Variants in ALS2 observed in about 807,000 individuals in gnomAD.
The protein encoded by ALS2 is alsin Rho guanine nucleotide exchange factor ALS2, also known as alsin.
Under a neutral mutation model 203.4 loss-of-function variants are expected in ALS2, and 117 were observed. The ratio of observed to expected loss-of-function variants is 0.58; its 90% CI spans 0.50 to 0.67. The LOEUF (loss-of-function observed/expected upper bound fraction) is 0.67, where lower values mean the gene tolerates loss of function less well. ALS2 is among the 30% of genes least tolerant of loss of function. The probability of loss-of-function intolerance (pLI) is 0.00; values close to 1 mark genes in which losing one functional copy is unlikely to be tolerated. For missense variants in ALS2, 1,715 were observed against 1,989.4 expected (o/e 0.86, Z 2.62); for synonymous variants, 718 against 725.9 (o/e 0.99, Z 0.17).
At chr2:201,749,010 C>T (rs901645690) in intron 8 of ALS2, among the ~76,000 whole-genome samples, 1 of 152,144 alleles carries the variant, frequency 6.6e-6, no homozygotes, top group Non-Finnish European at 1.5e-5. Context: ...CCTCCATATT[C>T]CATTCTGTCA....
At chr2:201,727,898 A>T in intron 15 of ALS2, 123 bp from the exon 16 acceptor site, 4 of 969,042 alleles carry the variant, frequency 4.1e-6, no homozygotes, top group Non-Finnish European at 6.5e-6. Context: ...GAACCCCTTG[A>T]AATAGTTAAG....
intron 3 of ALS2, among the ~76,000 whole-genome samples, chr2:201,764,633 CAAAATAAATAAA>C (rs1173642078): frequency 4.3e-5 from 5 of 116,894 alleles, no homozygotes; most frequent in African/African-American, 1.1e-4. Context: ...GACTCCGTCT[CAAAATAAATAAA>C]TAAATAAATA....
intron 3 of ALS2, among the ~76,000 whole-genome samples, chr2:201,766,510 A>G (rs374175960): frequency 6.6e-6 from 1 of 151,544 alleles, no homozygotes; most frequent in Non-Finnish European, 1.5e-5. Flanking sequence ...TTAGCTGGGC[A>G]TGGTGGTGAG....
chr2:201,724,836 G>A (rs1419480390), intron 20 of ALS2, among the ~76,000 whole-genome samples: 3 of 152,204 alleles, frequency 2.0e-5, no homozygotes, highest in East Asian at 1.9e-4. Context: ...ATTTAGGGCT[G>A]GGTGCGGTGG....
intron 16 of ALS2, 97 bp from the exon 17 acceptor site, chr2:201,727,375 G>C (rs371373650): frequency 2.9e-5 from 31 of 1,074,190 alleles, no homozygotes; most frequent in South Asian, 1.7e-4. Context: ...ATTTCAAGAG[G>C]AACAGAAATC....
At chr2:201,729,935 CCA>C (rs1691451122) in intron 13 of ALS2, among the ~76,000 whole-genome samples, 1 of 149,896 alleles carries the variant, frequency 6.7e-6, no homozygotes, top group South Asian at 2.1e-4. Flanking sequence ...TGGCAATGGT[CCA>C]CATTTTTTCA....
intron 5 of ALS2, among the ~76,000 whole-genome samples, chr2:201,756,884 G>A (rs1693433380): frequency 6.8e-6 from 1 of 146,446 alleles, no homozygotes; most frequent in Non-Finnish European, 1.5e-5. Context: ...CTGGTCTGCA[G>A]GCCACTCTTG....
chr2:201,767,160 C>G, intron 3 of ALS2, 69 bp downstream of exon 3: 5 of 1,597,780 alleles, frequency 3.1e-6, no homozygotes, highest in Non-Finnish European at 4.3e-6. Flanking sequence ...GACTCCCATA[C>G]CTGACCTTCC....
At chr2:201,725,988 A>G (rs911552299) in intron 19 of ALS2, among the ~76,000 whole-genome samples, 1 of 152,256 alleles carries the variant, frequency 6.6e-6, no homozygotes, top group Admixed American at 6.5e-5. Flanking sequence ...TCATGTAAAT[A>G]CATTTACAGT....
At chr2:201,732,580 A>AC (rs1691641599) in intron 13 of ALS2, among the ~76,000 whole-genome samples, 1 of 151,820 alleles carries the variant, frequency 6.6e-6, no homozygotes, top group South Asian at 2.1e-4. Flanking sequence ...AAACAAACAA[A>AC]CAACAACAAC....
At chr2:201,701,951 AT>A in intron 33 of ALS2, 62 bp from the exon 34 acceptor site, 1 of 1,467,650 alleles carries the variant, frequency 6.8e-7, no homozygotes, top group South Asian at 1.1e-5. Context: ...AAAGAGAGCA[AT>A]GCATATGGGA....
chr2:201,741,011 C>G (rs1692233948), intron 11 of ALS2, among the ~76,000 whole-genome samples: 1 of 152,142 alleles, frequency 6.6e-6, no homozygotes, highest in East Asian at 1.9e-4. Flanking sequence ...GAGAACAAAA[C>G]CTATACATAC....
intron 8 of ALS2, among the ~76,000 whole-genome samples, chr2:201,749,121 A>G (rs1490054246): frequency 6.6e-6 from 1 of 152,128 alleles, no homozygotes; most frequent in South Asian, 2.1e-4. Flanking sequence ...GGCGGAACAC[A>G]AGGTGGAGAA....
At chr2:201,766,673 C>G in intron 3 of ALS2, among the ~76,000 whole-genome samples, 1 of 141,676 alleles carries the variant, frequency 7.1e-6, no homozygotes, top group African/African-American at 2.5e-5. Context: ...TAAAAAAAAG[C>G]AAAGACTTGG....
chr2:201,761,119 T>C lies in ALS2; in HGVS notation c.875A>G (p.Asn292Ser). The C allele has an allele frequency of 6.2e-7, 1 of 1,614,220 alleles. No homozygotes were observed. Among genetic ancestry groups the C allele is most frequent in the Non-Finnish European group, 8.5e-7 (1 of 1,180,040 alleles). ...TLDRQEEVFENTLVANDQSVA... is the reference protein window; with the variant it reads ...TLDRQEEVFESTLVANDQSVA... ...AGACTGATCATTTGCTACAAGAGTGTTCTCAAATACTTCTTCCTGCCTGTC... is the reference window on the plus strand; with the variant it reads ...AGACTGATCATTTGCTACAAGAGTGCTCTCAAATACTTCTTCCTGCCTGTC... Residue 292 changes from asparagine to serine, a missense_variant, in exon 4 of 34, where the codon AAC (asparagine) becomes AGC (serine). By Grantham distance (46) the Asn-to-Ser change is conservative. Transcript: ENST00000264276.
intron 1 of ALS2, among the ~76,000 whole-genome samples, chr2:201,772,850 A>ATTTTTTTTTTTT (rs578253808): frequency 1.8e-5 from 2 of 108,848 alleles, no homozygotes; most frequent in Non-Finnish European, 3.5e-5. Flanking sequence ...TGCTTTCATG[A>ATTTTTTTTTTTT]TTTTTTTTTT....
At chr2:201,715,649 A>G (rs773969684) in intron 25 of ALS2, 23 bp downstream of exon 25, 146 of 1,613,780 alleles carry the variant, frequency 9.0e-5, no homozygotes, top group Non-Finnish European at 1.2e-4. Context: ...GCTCTGCTGT[A>G]TGTTGAGCAG....
intron 15 of ALS2, 43 bp downstream of exon 15, chr2:201,728,469 T>A: frequency 6.2e-7 from 1 of 1,611,442 alleles, no homozygotes; most frequent in East Asian, 2.2e-5. Flanking sequence ...AGGATAGGGG[T>A]CCACCTTTCA....
At position 201,727,692 on chromosome 2, in the gene ALS2, G is replaced by C; in HGVS notation, c.2912+13C>G. The C allele has an allele frequency of 6.4e-7, 1 of 1,550,556 alleles. No individual in the cohort carries two copies. Among genetic ancestry groups the C allele is most frequent in the Non-Finnish European group, 8.7e-7 (1 of 1,146,130 alleles). On this transcript the variant is annotated intron_variant, in intron 16 of 33. Coordinates refer to ENST00000264276, the MANE Select transcript of ALS2 (RefSeq NM_020919.4). The stretch of plus-strand genomic sequence containing the variant: ...CTTGGACGGGGTGGGGTGGGGAGGG[G>C]GGACGCACTTACACACCACCAGCTT...
Sources: allele counts gnomAD v4.1 joint callset (sites outside exome capture counted in the v4.1 genomes callset), GRCh38; gene constraint gnomAD v4.1.1; transcripts MANE v1.5; gene names NCBI Gene and HGNC (gene_info 2026-07-23, HGNC 2026-07-21).